CFAP97D2: variants seen among roughly 807,000 people sequenced by gnomAD.
CFAP97D2 encodes the protein CFAP97 domain containing 2, also known as uncharacterized protein CFAP97D2.
At chr13:114,194,110 G>A (rs1285702447) in intron 1 of CFAP97D2, among the ~76,000 whole-genome samples, 2 of 152,206 alleles carry the variant, frequency 1.3e-5, no homozygotes, top group African/African-American at 4.8e-5. Context: ...CCAGTGCAAA[G>A]CTTTTCTTTA....
chr13:114,204,416 C>A (rs1217610017), intron 3 of CFAP97D2, among the ~76,000 whole-genome samples: 1 of 152,216 alleles, frequency 6.6e-6, no homozygotes, highest in Non-Finnish European at 1.5e-5. Context: ...ACCAGCTTGA[C>A]TCCTCTTTCC....
chr13:114,198,698 G>A lies in CFAP97D2; in HGVS notation c.172-1627G>A, dbSNP rs1421404225. On this transcript the variant is annotated intron_variant, in intron 2 of 4. Coordinates refer to ENST00000646158, the Ensembl canonical transcript of CFAP97D2. Reference sequence around the variant, plus strand: ...CGTGACAGTGGGTCCCCGTGCGTACGGTCCCCGCTGAGGGGTGACGGCGCG... The same window carrying A: ...CGTGACAGTGGGTCCCCGTGCGTACAGTCCCCGCTGAGGGGTGACGGCGCG... 1.3e-3 allele frequency among the ~76,000 whole-genome samples: 135 copies of A among 103,290 alleles called. 2 individuals are homozygous for A. Among genetic ancestry groups the A allele is most frequent in the Admixed American group, 2.0e-3 (21 of 10,746 alleles). The allele number at this position is 103,290 out of a possible 152,430, so 67.8% of individuals were successfully genotyped here. A position where few individuals can be genotyped will look rare whatever the true frequency, so the allele number is the denominator to read the frequency against.
chr13:114,182,514 A>C (rs1048446545), intron 1 of CFAP97D2, among the ~76,000 whole-genome samples: 1 of 151,770 alleles, frequency 6.6e-6, no homozygotes, highest in African/African-American at 2.4e-5. Flanking sequence ...GGGTACAGTC[A>C]GGTCTTTCTC....
intron 4 of CFAP97D2, chr13:114,212,309 A>AG: frequency 2.6e-6 from 1 of 380,594 alleles, no homozygotes; most frequent in East Asian, 3.8e-5. Context: ...CCCACCACGC[A>AG]TTTGTTCACG....
At chr13:114,196,974 A>C (rs147928656) in intron 2 of CFAP97D2, among the ~76,000 whole-genome samples, 1 of 152,346 alleles carries the variant, frequency 6.6e-6, no homozygotes, top group African/African-American at 2.4e-5. Context: ...GGTTGAAAGA[A>C]TTTATCTAAA....
intron 1 of CFAP97D2, among the ~76,000 whole-genome samples, chr13:114,190,365 T>C (rs1041930602): frequency 1.3e-5 from 2 of 151,984 alleles, no homozygotes; most frequent in Non-Finnish European, 2.9e-5. Context: ...AAGCTGTCTT[T>C]GATGGCAGAT....
At chr13:114,202,937 G>C (rs1204909631) in intron 3 of CFAP97D2, among the ~76,000 whole-genome samples, 2 of 152,136 alleles carry the variant, frequency 1.3e-5, no homozygotes, top group African/African-American at 4.8e-5. Flanking sequence ...GTCACTCAGA[G>C]AGAAGATCGC....
At chr13:114,209,175 A>G (rs531254549) in intron 3 of CFAP97D2, among the ~76,000 whole-genome samples, 1 of 152,368 alleles carries the variant, frequency 6.6e-6, no homozygotes, top group East Asian at 1.9e-4. Flanking sequence ...TGAGGACCAC[A>G]GTGAAACAGG....
chr13:114,196,047 T>C (rs913477121), intron 1 of CFAP97D2, among the ~76,000 whole-genome samples: 2 of 144,494 alleles, frequency 1.4e-5, no homozygotes, highest in Non-Finnish European at 3.0e-5. Flanking sequence ...TGCGCCACTA[T>C]GCTCCAGCCT....
Position 114,186,066 on chromosome 13 carries a change from C to G in CFAP97D2, c.90+6646C>G, listed in dbSNP as rs117335047. On this transcript the variant is annotated intron_variant, in intron 1 of 4. Coordinates refer to ENST00000646158, the Ensembl canonical transcript of CFAP97D2. This position sits in a 1 kb window ranked among gnomAD's most constrained non-coding sequence, Gnocchi z 4.3. ...CCAATCAGCATGCACTTCCTCCACA[C>G]TGAGGCCCATAAAAACCCTGGACTC... Among the ~76,000 whole-genome samples the G allele has an allele frequency of 0.012, 1,767 of 152,332 alleles. 96 individuals carry two copies. Among genetic ancestry groups the G allele is most frequent in the Admixed American group, 0.081 (1,245 of 15,302 alleles).
rs914170055 is a variant in CFAP97D2 at position 114,207,464 on chromosome 13, C to G, written c.291-4448C>G. Among the ~76,000 whole-genome samples the G allele has an allele frequency of 6.6e-6, 1 of 151,938 alleles. No individual in the cohort carries two copies. The highest frequency in any genetic ancestry group is 2.4e-5 in the African/African-American group (1 of 41,340). On this transcript the variant is annotated intron_variant, in intron 3 of 4. Transcript: ENST00000646158. The surrounding 1 kb of genome is among the most constrained non-coding windows in gnomAD (Gnocchi z 4.9). ...GGATCGTGTGGAGACAGTGACAGATCATCAGGCATTAGATTTTCATAAGGA... is the reference window on the plus strand; with the variant it reads ...GGATCGTGTGGAGACAGTGACAGATGATCAGGCATTAGATTTTCATAAGGA...
Position 114,179,788 on chromosome 13 carries a change from T to TTTTTTG in CFAP97D2, c.90+390_90+395dup, listed in dbSNP as rs913471146. On this transcript the variant is annotated intron_variant, in intron 1 of 4. Transcript: ENST00000646158. This position sits in a 1 kb window ranked among gnomAD's most constrained non-coding sequence, Gnocchi z 4.8. Reference sequence around the variant, plus strand: ...ATCCTTTTCTTTTTCTTTCTTTTTGTTTTTTGTTTTTGTTTTTGTTTTTGT... The same window carrying TTTTTTG: ...ATCCTTTTCTTTTTCTTTCTTTTTGTTTTTTGTTTTTGTTTTTGTTTTTGTTTTTGT... Among the ~76,000 whole-genome samples the TTTTTTG allele has an allele frequency of 6.6e-5, 10 of 152,250 alleles. No individual in the cohort carries two copies. Among genetic ancestry groups the TTTTTTG allele is most frequent in the African/African-American group, 1.4e-4 (6 of 41,544 alleles).
At position 114,185,172 on chromosome 13, in the gene CFAP97D2, T is replaced by C. The variant is rs1271393935; in HGVS notation, c.90+5752T>C. Among the ~76,000 whole-genome samples the C allele has an allele frequency of 1.3e-5, 2 of 152,182 alleles. No individual in the cohort carries two copies. Among genetic ancestry groups the C allele is most frequent in the African/African-American group, 4.8e-5 (2 of 41,454 alleles). ...CTCCCAGGCCCAGGGCCTCCACCAC[T>C]GCAGACTCTGGCCCCGTGTCACCGC... On this transcript the variant is annotated intron_variant, in intron 1 of 4. Coordinates refer to ENST00000646158, the Ensembl canonical transcript of CFAP97D2. This position sits in a 1 kb window ranked among gnomAD's most constrained non-coding sequence, Gnocchi z 5.2.
At chr13:114,212,108 G>A (rs1027128998) in intron 4 of CFAP97D2, 101 of 398,520 alleles carry the variant, frequency 2.5e-4, no homozygotes, top group African/African-American at 1.9e-3. Flanking sequence ...AAAGGTACCC[G>A]CACCTTCTTT....
intron 1 of CFAP97D2, among the ~76,000 whole-genome samples, chr13:114,192,406 T>A (rs535703839): frequency 1.3e-5 from 2 of 152,316 alleles, no homozygotes; most frequent in East Asian, 1.9e-4. Flanking sequence ...AAAAATCATT[T>A]AAAATTTTTT....
In CFAP97D2 at chr13:114,187,265, TAAC is replaced by T. The variant is rs946974101; in HGVS notation, c.90+7848_90+7850del. ...CCACAAAAGGCAGAAAAGACAAAAA[TAAC>T]AAATATCAAGAGTAACAAACAAAAT... On this transcript the variant is annotated intron_variant, in intron 1 of 4. Coordinates refer to ENST00000646158, the Ensembl canonical transcript of CFAP97D2. The surrounding 1 kb of genome is among the most constrained non-coding windows in gnomAD (Gnocchi z 4.2). Among the ~76,000 whole-genome samples the T allele has an allele frequency of 1.7e-4, 25 of 150,452 alleles. No individual in the cohort carries two copies. The highest frequency in any genetic ancestry group is 5.4e-4 in the African/African-American group (22 of 40,892).
intron 3 of CFAP97D2, among the ~76,000 whole-genome samples, chr13:114,201,750 G>A (rs1338569685): frequency 2.0e-5 from 3 of 152,216 alleles, no homozygotes; most frequent in African/African-American, 4.8e-5. Flanking sequence ...TGCTTCTGGA[G>A]CACTGCAGAC....
chr13:114,213,320 G>C (rs2080976804), intron 4 of CFAP97D2, among the ~76,000 whole-genome samples: 1 of 148,322 alleles, frequency 6.7e-6, no homozygotes, highest in Non-Finnish European at 1.5e-5. Context: ...ACAAGCTCAA[G>C]GACCACAGAC....
At position 114,185,188 on chromosome 13, in the gene CFAP97D2, G is replaced by A. The variant is rs765266706; in HGVS notation, c.90+5768G>A. Among the ~76,000 whole-genome samples the A allele has an allele frequency of 1.9e-4, 29 of 152,320 alleles. No individual in the cohort carries two copies. Among genetic ancestry groups the A allele is most frequent in the Non-Finnish European group, 2.9e-4 (20 of 68,020 alleles). ...CTCCACCACTGCAGACTCTGGCCCC[G>A]TGTCACCGCTCTTGCCTGCTGATGC... is the stretch of plus-strand genomic sequence containing the variant. On this transcript the variant is annotated intron_variant, in intron 1 of 4. Coordinates refer to ENST00000646158, the Ensembl canonical transcript of CFAP97D2. This position sits in a 1 kb window ranked among gnomAD's most constrained non-coding sequence, Gnocchi z 5.2.
Sources: gnomAD v4.1 joint callset for allele counts (sites outside exome capture counted in the v4.1 genomes callset) on GRCh38, gnomAD v4.1.1 for gene constraint, Gnocchi (gnomAD v3.1) non-coding constraint, MANE v1.5 for transcripts, NCBI Gene and HGNC (gene_info 2026-07-23, HGNC 2026-07-21) for gene names.